RBP2: variants seen among roughly 807,000 people sequenced by gnomAD.
RBP2 encodes retinol binding protein 2, also known as retinol-binding protein 2.
A neutral mutation model predicts 17.0 loss-of-function variants in RBP2; 17 were observed. The observed-to-expected ratio is 1.00, with a 90% confidence interval of 0.68 to 1.50. The LOEUF is 1.50. Among genes scored for constraint, RBP2 ranks in the 40% most tolerant of loss-of-function variants. RBP2 has a pLI of 0.00. For missense variants in RBP2, 158 were observed against 168.2 expected (o/e 0.94, Z 0.33); for synonymous variants, 48 against 57.1 (o/e 0.84, Z 0.72).
intron 1 of RBP2, among the ~76,000 whole-genome samples, chr3:139,464,373 A>G (rs1576424328): frequency 1.3e-5 from 2 of 152,044 alleles, no homozygotes; most frequent in Admixed American, 1.3e-4. Flanking sequence ...CGGGAGAATC[A>G]CTTGAACCCG....
intron 1 of RBP2, among the ~76,000 whole-genome samples, chr3:139,468,115 A>T (rs1933425019): frequency 6.6e-6 from 1 of 152,194 alleles, no homozygotes; most frequent in Admixed American, 6.5e-5. Context: ...AAAACCACTA[A>T]GGAATAATTG....
intron 1 of RBP2, among the ~76,000 whole-genome samples, chr3:139,466,193 G>C (rs1265419181): frequency 6.6e-6 from 1 of 152,160 alleles, no homozygotes; most frequent in Non-Finnish European, 1.5e-5. Context: ...GAAGGTAGAG[G>C]ATGCACCTTT....
chr3:139,464,182 G>A (rs1354346132), intron 1 of RBP2, among the ~76,000 whole-genome samples: 3 of 152,122 alleles, frequency 2.0e-5, no homozygotes, highest in African/African-American at 7.2e-5. Flanking sequence ...CTTTGGGTCT[G>A]GGCCTGGTGG....
intron 1 of RBP2, among the ~76,000 whole-genome samples, chr3:139,470,625 G>A (rs1437738616): frequency 1.3e-5 from 2 of 151,448 alleles, no homozygotes; most frequent in African/African-American, 4.8e-5. Flanking sequence ...CAACCCCTCC[G>A]GCTCACACAC....
In RBP2 at chr3:139,476,368, TC is replaced by T; in HGVS notation, c.73+18del. 1 of 1,609,926 alleles carries T rather than the reference TC, an allele frequency of 6.2e-7. No homozygotes were observed. Among genetic ancestry groups the T allele is most frequent in the Non-Finnish European group, 8.5e-7 (1 of 1,176,516 alleles). On this transcript the variant is annotated intron_variant, in intron 1 of 3. Transcript: ENST00000232217. ...CTCCCAACAACAGCTACCCTCCCCA[TC>T]CCCAGTCTCCTCCTTACCCAGGGCC...
chr3:139,457,026 G>A (rs958214945), intron 2 of RBP2, among the ~76,000 whole-genome samples: 10 of 152,266 alleles, frequency 6.6e-5, no homozygotes, highest in Admixed American at 1.3e-4. Context: ...GGACGGTGTC[G>A]TCTGTCCTCC....
chr3:139,454,228 T>C (rs1249983865), intron 3 of RBP2, among the ~76,000 whole-genome samples: 2 of 152,220 alleles, frequency 1.3e-5, no homozygotes, highest in African/African-American at 2.4e-5. Context: ...TTGTTCCTAC[T>C]GCTCTGTTCT....
chr3:139,461,125 A>G (rs1185146360), intron 2 of RBP2, among the ~76,000 whole-genome samples: 4 of 152,202 alleles, frequency 2.6e-5, no homozygotes, highest in African/African-American at 9.7e-5. Flanking sequence ...AAACAGGCAC[A>G]CTGAGCATGA....
At chr3:139,457,105 C>T (rs757440461) in intron 2 of RBP2, among the ~76,000 whole-genome samples, 1 of 152,178 alleles carries the variant, frequency 6.6e-6, no homozygotes, top group African/African-American at 2.4e-5. Flanking sequence ...CCTGTCTCCC[C>T]CAGTAGACAG....
chr3:139,473,756 A>G (rs980250512), intron 1 of RBP2, among the ~76,000 whole-genome samples: 7 of 152,172 alleles, frequency 4.6e-5, no homozygotes, highest in African/African-American at 9.7e-5. Context: ...CCTGTCTTCA[A>G]TCACTGCCAT....
intron 1 of RBP2, among the ~76,000 whole-genome samples, chr3:139,472,885 G>A (rs1208140134): frequency 6.6e-6 from 1 of 152,226 alleles, no homozygotes; most frequent in African/African-American, 2.4e-5. Flanking sequence ...TTCTGCTTCA[G>A]ATGGCACAGT....
intron 1 of RBP2, among the ~76,000 whole-genome samples, chr3:139,475,145 T>C (rs6803593): frequency 0.54 from 80,925 of 151,118 alleles, 24,545 homozygotes; most frequent in East Asian, 0.92. Flanking sequence ...CATAGTGAAA[T>C]CCGTCTCTAT....
intron 1 of RBP2, among the ~76,000 whole-genome samples, chr3:139,467,560 G>T (rs1933406358): frequency 1.3e-5 from 2 of 152,140 alleles, no homozygotes; most frequent in Non-Finnish European, 2.9e-5. Context: ...CTCTTCCTTT[G>T]TAGGAAAATG....
At chr3:139,456,236 G>C (rs925985505) in intron 2 of RBP2, among the ~76,000 whole-genome samples, 1 of 152,166 alleles carries the variant, frequency 6.6e-6, no homozygotes, top group Non-Finnish European at 1.5e-5. Flanking sequence ...TGTAAACCCA[G>C]TTGGTGATAA....
intron 1 of RBP2, among the ~76,000 whole-genome samples, chr3:139,466,231 C>T (rs1157882763): frequency 6.6e-6 from 1 of 152,136 alleles, no homozygotes; most frequent in Non-Finnish European, 1.5e-5. Flanking sequence ...CACGGAGCCC[C>T]TCTGTGGAGG....
At chr3:139,454,001 A>G (rs1053019040) in intron 3 of RBP2, among the ~76,000 whole-genome samples, 1 of 152,078 alleles carries the variant, frequency 6.6e-6, no homozygotes, top group Admixed American at 6.5e-5. Context: ...GAATACTGAC[A>G]TTGGAGCCAG....
In RBP2 at chr3:139,476,372, C is replaced by T; in HGVS notation, c.73+15G>A. On this transcript the variant is annotated intron_variant, in intron 1 of 3. Coordinates refer to ENST00000232217, the MANE Select transcript of RBP2 (RefSeq NM_004164.3). Reference sequence around the variant, plus strand: ...CAACAACAGCTACCCTCCCCATCCCCAGTCTCCTCCTTACCCAGGGCCTTC... The same window carrying T: ...CAACAACAGCTACCCTCCCCATCCCTAGTCTCCTCCTTACCCAGGGCCTTC... 1 of 1,611,824 alleles carries T rather than the reference C, an allele frequency of 6.2e-7. No homozygotes were observed. The highest frequency in any genetic ancestry group is 8.5e-7 in the Non-Finnish European group (1 of 1,178,066).
At chr3:139,462,385 T>C (rs1933219443) in intron 1 of RBP2, 95 bp from the exon 2 acceptor site, 3 of 1,284,916 alleles carry the variant, frequency 2.3e-6, no homozygotes, top group Non-Finnish European at 3.3e-6. Flanking sequence ...GAGACACAGA[T>C]TGTGTGTAGG....
At chr3:139,470,312 A>G (rs1389753709) in intron 1 of RBP2, among the ~76,000 whole-genome samples, 1 of 152,008 alleles carries the variant, frequency 6.6e-6, no homozygotes, top group African/African-American at 2.4e-5. Flanking sequence ...CTTCATATTC[A>G]TCTGCAAACC....
Sources: gnomAD v4.1 joint callset for allele counts (sites outside exome capture counted in the v4.1 genomes callset) on GRCh38, gnomAD v4.1.1 for gene constraint, MANE v1.5 for transcripts, NCBI Gene and HGNC (gene_info 2026-07-23, HGNC 2026-07-21) for gene names.